The following TCERG1 variants were observed in gnomAD, a reference collection of about 807,000 sequenced individuals.
The protein encoded by TCERG1 is TATA box binding protein (TBP)-associated factor, RNA polymerase II, S, 150kD.
TCERG1 carries 37 observed loss-of-function variants against 144.7 expected under a neutral mutation model. The ratio of observed to expected loss-of-function variants is 0.26; its 90% CI spans 0.20 to 0.34. The LOEUF is 0.34. Ranked by LOEUF, TCERG1 falls within the 10% of genes least tolerant of loss-of-function variation. The probability of loss-of-function intolerance (pLI) is 1.00; values close to 1 mark genes in which losing one functional copy is unlikely to be tolerated. For missense variants in TCERG1, 1,027 were observed against 1,380.7 expected (o/e 0.74, Z 4.06); for synonymous variants, 492 against 458.2 (o/e 1.07, Z -0.94).
Position 146,463,755 on chromosome 5 carries a change from T to A in TCERG1, c.1097T>A (p.Phe366Tyr). 7 of 1,614,236 alleles carry A rather than the reference T, an allele frequency of 4.3e-6. No individual in the cohort carries two copies. Among genetic ancestry groups the A allele is most frequent in the Non-Finnish European group, 5.9e-6 (7 of 1,180,036 alleles). ...PAFPPVMVPP[F>Y]RVPLPGMPIP... ...TTTCCACCAGTAATGGTACCTCCGT[T>A]TCGTGTTCCCCTTCCTGGCATGCCA... Residue 366 changes from phenylalanine (F) to tyrosine (Y), a missense_variant, in exon 5 of 23, where the codon TTT (phenylalanine) becomes TAT (tyrosine). Phe to Tyr is a conservative substitution (Grantham distance 22). Coordinates refer to ENST00000679501, the MANE Select transcript of TCERG1 (RefSeq NM_001382548.1).
At chr5:146,465,133 G>A (rs1400185547) in intron 5 of TCERG1, among the ~76,000 whole-genome samples, 1 of 152,134 alleles carries the variant, frequency 6.6e-6, no homozygotes, top group African/African-American at 2.4e-5. Flanking sequence ...TTTTCTCTAT[G>A]TGTAATTTTT....
chr5:146,455,988 GT>G (rs999310740), intron 2 of TCERG1, among the ~76,000 whole-genome samples: 1 of 152,104 alleles, frequency 6.6e-6, no homozygotes, highest in African/African-American at 2.4e-5. Context: ...TGTTTTCTTA[GT>G]TTAGTCTGTA....
chr5:146,483,465 G>T (rs984420420), intron 14 of TCERG1, 75 bp from the exon 15 acceptor site: 9 of 1,325,144 alleles, frequency 6.8e-6, no homozygotes, highest in Non-Finnish European at 9.6e-6. Flanking sequence ...ATATCCTGTA[G>T]ATTTCAAGCA....
At chr5:146,477,893 G>A (rs1581474652) in intron 9 of TCERG1, among the ~76,000 whole-genome samples, 1 of 151,760 alleles carries the variant, frequency 6.6e-6, no homozygotes, top group Admixed American at 6.6e-5. Context: ...TGTAGAGATG[G>A]CCTTTCACCA....
chr5:146,453,874 T>C (rs1317425085), intron 1 of TCERG1, among the ~76,000 whole-genome samples: 1 of 152,056 alleles, frequency 6.6e-6, no homozygotes, highest in African/African-American at 2.4e-5. Flanking sequence ...CATTGACATA[T>C]CTGAAGAATA....
Position 146,510,727 on chromosome 5 carries a change from A to ACTAATGC in TCERG1, c.*85_*86insCTAATGC. ...GTTTTTACATATATGTGCATTAGTCAACCTATTGCGAAACCATCTGACAAA... is the reference window on the plus strand; with the variant it reads ...GTTTTTACATATATGTGCATTAGTCACTAATGCACCTATTGCGAAACCATCTGACAAA... On this transcript the variant is annotated 3_prime_UTR_variant, in exon 23 of 23. Transcript: ENST00000679501. The ACTAATGC allele has an allele frequency of 7.6e-7, 1 of 1,311,300 alleles. No individual in the cohort carries two copies. Among genetic ancestry groups the ACTAATGC allele is most frequent in the Non-Finnish European group, 1.0e-6 (1 of 961,458 alleles). The allele number at this position is 1,311,300 out of a possible 1,614,324, so 81.2% of individuals were successfully genotyped here.
At chr5:146,501,128 C>G (rs1165739490) in intron 17 of TCERG1, among the ~76,000 whole-genome samples, 1 of 151,818 alleles carries the variant, frequency 6.6e-6, no homozygotes, top group East Asian at 1.9e-4. Context: ...AAATACTTTA[C>G]CTTTTGAAAT....
At chr5:146,459,657 A>G (rs575678535) in intron 4 of TCERG1, among the ~76,000 whole-genome samples, 14 of 152,322 alleles carry the variant, frequency 9.2e-5, no homozygotes, top group African/African-American at 3.4e-4. Flanking sequence ...TACAGTTTCC[A>G]GTATTCCTAA....
chr5:146,499,108 T>C (rs532675091), intron 17 of TCERG1, among the ~76,000 whole-genome samples: 1 of 152,358 alleles, frequency 6.6e-6, no homozygotes, highest in Admixed American at 6.5e-5. Context: ...ATCTTACATA[T>C]AAATTATTGC....
At chr5:146,447,826 C>T (rs1164777918) in intron 1 of TCERG1, among the ~76,000 whole-genome samples, 2 of 152,264 alleles carry the variant, frequency 1.3e-5, no homozygotes, top group Non-Finnish European at 2.9e-5. Context: ...TTTCCCTGTA[C>T]CCCTCGCCAC....
chr5:146,447,456 A>T, intron 1 of TCERG1, 48 bp downstream of exon 1: 1 of 1,586,662 alleles, frequency 6.3e-7, no homozygotes, highest in South Asian at 1.1e-5. Context: ...AGAGCCCCAG[A>T]GGCTAGACGC....
chr5:146,476,285 G>A (rs56076772), intron 9 of TCERG1, among the ~76,000 whole-genome samples: 9,644 of 152,212 alleles, frequency 0.063, 427 homozygotes, highest in Non-Finnish European at 0.085. Flanking sequence ...GATTTTTATT[G>A]AACCTCATCA....
In TCERG1 at chr5:146,509,174, C is replaced by T; in HGVS notation, c.3075C>T (p.Ile1025=). 1 of 1,600,620 alleles carries T rather than the reference C, an allele frequency of 6.2e-7. No individual in the cohort carries two copies. Among genetic ancestry groups the T allele is most frequent in the Non-Finnish European group, 8.5e-7 (1 of 1,174,694 alleles). Residue 1025 remains isoleucine, a synonymous_variant, in exon 22 of 23, where the codon ATC becomes ATT. Transcript: ENST00000679501. ...AACAAAGAGAATTTGAAGAATATATCAGAGACAAATATATCACAGCCAAAG... is the reference window on the plus strand; with the variant it reads ...AACAAAGAGAATTTGAAGAATATATTAGAGACAAATATATCACAGCCAAAG... The part of the protein sequence containing the change: ...RKKQREFEEY[I]RDKYITAKAD...
chr5:146,472,954 C>T (rs1453255511), intron 9 of TCERG1, among the ~76,000 whole-genome samples: 1 of 152,104 alleles, frequency 6.6e-6, no homozygotes, highest in African/African-American at 2.4e-5. Flanking sequence ...ACCTCGTGAT[C>T]CGCCCACCTT....
chr5:146,448,915 C>T (rs1198914295), intron 1 of TCERG1, among the ~76,000 whole-genome samples: 1 of 152,138 alleles, frequency 6.6e-6, no homozygotes, highest in Non-Finnish European at 1.5e-5. Context: ...AAGTATCTTT[C>T]TAAAGCTTTA....
chr5:146,497,523 A>G (rs1214847503), intron 16 of TCERG1, among the ~76,000 whole-genome samples: 1 of 152,166 alleles, frequency 6.6e-6, no homozygotes, highest in East Asian at 1.9e-4. Flanking sequence ...ATTGACTTCA[A>G]AAAATTTTTT....
chr5:146,463,775 A>G lies in TCERG1; in HGVS notation c.1117A>G (p.Met373Val), dbSNP rs1208862253. 4 of 1,614,090 alleles carry G rather than the reference A, an allele frequency of 2.5e-6. No homozygotes were observed. Among genetic ancestry groups the G allele is most frequent in the African/African-American group, 1.3e-5 (1 of 74,922 alleles). ...VPPFRVPLPG[M>V]PIPLPGVAMM... The stretch of plus-strand genomic sequence containing the variant: ...TCCGTTTCGTGTTCCCCTTCCTGGC[A>G]TGCCAATTCCACTTCCAGGTAAACC... Residue 373 changes from methionine to valine, a missense_variant, in exon 5 of 23, where the codon ATG becomes GTG. Physicochemically the swap from Met to Val is conservative, Grantham distance 21. Transcript: ENST00000679501.
At chr5:146,449,713 C>T (rs1398439003) in intron 1 of TCERG1, among the ~76,000 whole-genome samples, 1 of 152,058 alleles carries the variant, frequency 6.6e-6, no homozygotes, top group African/African-American at 2.4e-5. Context: ...TGCAAGTAGG[C>T]TTTTGTTTTT....
chr5:146,474,284 A>C (rs1280743602), intron 9 of TCERG1, among the ~76,000 whole-genome samples: 1 of 152,178 alleles, frequency 6.6e-6, no homozygotes, highest in Admixed American at 6.6e-5. Context: ...ATGTGATGGA[A>C]ATAGCAAGAG....
Sources: allele counts gnomAD v4.1 joint callset (sites outside exome capture counted in the v4.1 genomes callset), GRCh38; gene constraint gnomAD v4.1.1; transcripts MANE v1.5; gene names NCBI Gene and HGNC (gene_info 2026-07-23, HGNC 2026-07-21).